Variants in GASK1B observed in about 807,000 individuals in gnomAD.
The protein encoded by GASK1B is Golgi-associated kinase 1B.
GASK1B carries 34 observed loss-of-function variants against 42.8 expected under a neutral mutation model. That is an observed-to-expected ratio of 0.79 (90% CI 0.60 to 1.06). GASK1B has a LOEUF of 1.06. GASK1B is among the 50% of genes least tolerant of loss of function. GASK1B has a pLI of 0.00. For synonymous variants in GASK1B, 262 were observed against 259.1 expected (o/e 1.01, Z -0.11); for missense variants, 686 against 661.0 (o/e 1.04, Z -0.42).
chr4:158,165,763 A>G (rs1297891161), intron 2 of GASK1B, among the ~76,000 whole-genome samples: 1 of 152,186 alleles, frequency 6.6e-6, no homozygotes, highest in Non-Finnish European at 1.5e-5. Flanking sequence ...CAGAGACAGA[A>G]TTGGGCACAA....
chr4:158,134,780 A>G (rs1730820026), intron 3 of GASK1B, among the ~76,000 whole-genome samples: 1 of 152,114 alleles, frequency 6.6e-6, no homozygotes, highest in Non-Finnish European at 1.5e-5. Context: ...GGAAAAAAGC[A>G]TCTCATGAGT....
chr4:158,148,118 G>A (rs1433904708), intron 3 of GASK1B, among the ~76,000 whole-genome samples: 1 of 152,146 alleles, frequency 6.6e-6, no homozygotes, highest in Non-Finnish European at 1.5e-5. Context: ...GGAGGCTGAG[G>A]TGGAAGGATC....
At chr4:158,131,132 G>C in intron 3 of GASK1B, 120 bp from the exon 4 acceptor site, 1 of 775,820 alleles carries the variant, frequency 1.3e-6, no homozygotes, top group South Asian at 1.8e-5. Context: ...AAGAGGGCCA[G>C]GCTCATTTAA....
intron 1 of GASK1B, chr4:158,172,281 G>A (rs1732587493): frequency 6.6e-6 from 1 of 151,804 alleles, no homozygotes; most frequent in Non-Finnish European, 1.5e-5. Context: ...AGCATCTCTA[G>A]TTCTGTTTTT....
chr4:158,144,132 T>C (rs991655931), intron 3 of GASK1B, among the ~76,000 whole-genome samples: 2 of 152,154 alleles, frequency 1.3e-5, no homozygotes, highest in African/African-American at 4.8e-5. Context: ...TCTAAACATA[T>C]AAAGCAATGA....
intron 2 of GASK1B, chr4:158,159,570 A>C (rs1034963140): frequency 2.3e-6 from 1 of 441,906 alleles, no homozygotes; most frequent in Non-Finnish European, 4.5e-6. Context: ...AGGTTTGTCA[A>C]AATGATGCAG....
intron 3 of GASK1B, among the ~76,000 whole-genome samples, chr4:158,146,206 T>A (rs1170581499): frequency 6.6e-6 from 1 of 152,044 alleles, no homozygotes; most frequent in African/African-American, 2.4e-5. Flanking sequence ...ACTCTGCTGC[T>A]GATAGAATTG....
chr4:158,141,489 T>C, intron 3 of GASK1B, among the ~76,000 whole-genome samples: 1 of 151,798 alleles, frequency 6.6e-6, no homozygotes, highest in Non-Finnish European at 1.5e-5. Flanking sequence ...GAAAAAATGC[T>C]TAAATTATGT....
At chr4:158,136,192 G>C (rs6820988) in intron 3 of GASK1B, among the ~76,000 whole-genome samples, 118,790 of 151,792 alleles carry the variant, frequency 0.78, 48,260 homozygotes, top group East Asian at 0.95. Flanking sequence ...AGAGTAAGGG[G>C]AACATTAGGG....
intron 3 of GASK1B, among the ~76,000 whole-genome samples, chr4:158,145,211 G>A (rs938580737): frequency 1.3e-5 from 2 of 152,042 alleles, no homozygotes; most frequent in African/African-American, 4.8e-5. Flanking sequence ...ACACCATTAA[G>A]TGGGAAAAAA....
chr4:158,167,772 C>A (rs561156438), intron 2 of GASK1B, among the ~76,000 whole-genome samples: 1 of 152,140 alleles, frequency 6.6e-6, no homozygotes, highest in African/African-American at 2.4e-5. Flanking sequence ...GAAAAAGATG[C>A]TGGGTAACTA....
rs2110927133 is a variant in GASK1B, at chr4:158,130,924, T to C, written c.1214A>G (p.Asp405Gly). The C allele has an allele frequency of 1.2e-6, 2 of 1,614,156 alleles. No homozygotes were observed. Among genetic ancestry groups the C allele is most frequent in the Non-Finnish European group, 1.7e-6 (2 of 1,179,990 alleles). ...TGCTAGAGCCGCAGAACCTTGGTCA[T>C]CACATTTTGGCCTCAATCCATTCTG... ...CVQNGLRPKC[D>G]DQGSAALAHI... Residue 405 changes from aspartate (D) to glycine (G), a missense_variant, in exon 4 of 5, where the codon GAT (aspartate) becomes GGT (glycine). Coordinates refer to ENST00000585682, the MANE Select transcript of GASK1B (RefSeq NM_001128424.2).
chr4:158,126,284 A>C lies in GASK1B; in HGVS notation c.*1123T>G, dbSNP rs1490020284. 1.3e-5 allele frequency: 2 copies of C among 152,130 alleles called. No homozygotes were observed. Among genetic ancestry groups the C allele is most frequent in the African/African-American group, 4.8e-5 (2 of 41,450 alleles). The allele number at this position is 152,130 out of a possible 1,614,324, so 9.4% of individuals were successfully genotyped here. On this transcript the variant is annotated 3_prime_UTR_variant, in exon 5 of 5. Transcript: ENST00000585682. ...CCAATCTGATTTAAAAAGTGTTAGA[A>C]GGAGTTTGGAGATGATTATTTGAGG...
In GASK1B at chr4:158,158,508, T is replaced by G. The variant is rs533568739; in HGVS notation, c.911-2683A>C. The stretch of plus-strand genomic sequence containing the variant: ...AAAAAAGCTATTTGGGATCATCTTG[T>G]ATGTAGAGTTTGTCATAATTATTTC... On this transcript the variant is annotated intron_variant, in intron 2 of 4. Transcript: ENST00000585682. 1.1e-4 allele frequency among the ~76,000 whole-genome samples: 16 copies of G among 152,240 alleles called. No individual in the cohort carries two copies. The South Asian group carries it at 3.1e-3, about 30-fold the overall frequency.
At chr4:158,133,919 G>A (rs2346317) in intron 3 of GASK1B, among the ~76,000 whole-genome samples, 116,634 of 150,336 alleles carry the variant, frequency 0.78, 46,298 homozygotes, top group East Asian at 0.93. Flanking sequence ...GTGTGTGTGC[G>A]CGTGCACGAA....
At chr4:158,136,995 T>C (rs146634093) in intron 3 of GASK1B, among the ~76,000 whole-genome samples, 2 of 152,278 alleles carry the variant, frequency 1.3e-5, no homozygotes, top group East Asian at 3.9e-4. Context: ...CTGTTTTGTA[T>C]TGGGAAGAGT....
At position 158,170,988 on chromosome 4, in the gene GASK1B, T is replaced by A. The variant is rs762457982; in HGVS notation, c.388A>T (p.Arg130Trp). ...NIRGTVKPKR[R>W]KKHAVASAAP... Reference sequence around the variant, plus strand: ...GCCGATGCCACTGCATGCTTTTTCCTGCGCTTGGGCTTCACGGTGCCACGG... The same window carrying A: ...GCCGATGCCACTGCATGCTTTTTCCAGCGCTTGGGCTTCACGGTGCCACGG... The change falls in exon 2 of 5, where the codon AGG becomes TGG. Residue 130 changes from arginine (R) to tryptophan (W), a missense_variant. Transcript: ENST00000585682. The A allele has an allele frequency of 6.2e-7, 1 of 1,614,108 alleles. No individual in the cohort carries two copies. The highest frequency in any genetic ancestry group is 1.7e-5 in the Admixed American group (1 of 60,014).
At chr4:158,150,943 C>G (rs887676220) in intron 3 of GASK1B, among the ~76,000 whole-genome samples, 4 of 152,190 alleles carry the variant, frequency 2.6e-5, no homozygotes, top group Non-Finnish European at 5.9e-5. Context: ...TGACTCTGTG[C>G]TAAACTGGTT....
chr4:158,131,195 A>G (rs1730671253), intron 3 of GASK1B, among the ~76,000 whole-genome samples, 183 bp from the exon 4 acceptor site: 1 of 152,238 alleles, frequency 6.6e-6, no homozygotes, highest in Admixed American at 6.5e-5. Flanking sequence ...TGACTCAGTC[A>G]TAGTTATAAG....
Sources: allele counts gnomAD v4.1 joint callset (sites outside exome capture counted in the v4.1 genomes callset), GRCh38; gene constraint gnomAD v4.1.1; transcripts MANE v1.5; gene names NCBI Gene and HGNC (gene_info 2026-07-23, HGNC 2026-07-21).